CCNJL: variants seen among roughly 807,000 people sequenced by gnomAD.
CCNJL encodes cyclin-J-like protein.
CCNJL carries 33 observed loss-of-function variants against 33.4 expected under a neutral mutation model. The observed-to-expected ratio is 0.99, with a 90% CI of 0.75 to 1.32. The LOEUF (loss-of-function observed/expected upper bound fraction) is 1.32. Ranked by LOEUF, CCNJL falls within the 40% of genes most tolerant of loss-of-function variation. The pLI, the probability that CCNJL is intolerant of heterozygous loss-of-function variation, is 0.00. For missense variants in CCNJL, 512 were observed against 499.7 expected, an observed-to-expected ratio of 1.02 and a Z score of -0.23; for synonymous variants, 227 against 220.9, an observed-to-expected ratio of 1.03 and a Z score of -0.24.
intron 1 of CCNJL, among the ~76,000 whole-genome samples, chr5:160,335,037 C>T (rs1763665760): frequency 6.6e-6 from 1 of 152,210 alleles, no homozygotes; most frequent in Admixed American, 6.5e-5. Context: ...CCAAGGTGGG[C>T]AGATCACTTG....
chr5:160,309,696 A>G (rs1027628348), intron 2 of CCNJL, among the ~76,000 whole-genome samples: 1 of 152,202 alleles, frequency 6.6e-6, no homozygotes, highest in African/African-American at 2.4e-5. Context: ...TTGAAGAAGC[A>G]TTTTCTTCTT....
At chr5:160,275,250 A>G (rs1461128225) in intron 3 of CCNJL, among the ~76,000 whole-genome samples, 1 of 151,814 alleles carries the variant, frequency 6.6e-6, no homozygotes, top group Non-Finnish European at 1.5e-5. Flanking sequence ...ATGCCTGGCT[A>G]ATTTTTGGAA....
Position 160,287,123 on chromosome 5 carries a change from TG to T in CCNJL, c.67-6386del, listed in dbSNP as rs1762432244. Among the ~76,000 whole-genome samples, 4 of 152,246 alleles carry T rather than the reference TG, an allele frequency of 2.6e-5. No individual in the cohort carries two copies. In the South Asian group the frequency reaches 8.3e-4, roughly 32 times the overall value. On this transcript the variant is annotated intron_variant, in intron 2 of 5. Coordinates refer to ENST00000257536, the MANE Select transcript of CCNJL (RefSeq NM_001308173.3). ...TCTTAGTTCCACTATTTACCAACCT[TG>T]GGCATGTGAACTGACCCTCAGTGTC...
At chr5:160,337,281 A>G (rs965787065) in intron 1 of CCNJL, among the ~76,000 whole-genome samples, 7 of 151,768 alleles carry the variant, frequency 4.6e-5, no homozygotes, top group Admixed American at 3.9e-4. Context: ...TCGCCTCCCA[A>G]AGTGCTGGGA....
rs55911213 is a variant in CCNJL, at chr5:160,283,949, T to C, written c.67-3211A>G. ...TCCATCCATGTTGCAAATGACAGGA[T>C]CTCACTCTTTTTTACGGCTGAATAG... On this transcript the variant is annotated intron_variant, in intron 2 of 5. Transcript: ENST00000257536. 5.8e-3 allele frequency among the ~76,000 whole-genome samples: 879 copies of C among 152,356 alleles called. 6 individuals carry two copies. The highest frequency in any genetic ancestry group is 0.02 in the African/African-American group (817 of 41,572).
chr5:160,317,850 T>G (rs1717519118), upstream of CCNJL, among the ~76,000 whole-genome samples: 2 of 152,140 alleles, frequency 1.3e-5, no homozygotes, highest in African/African-American at 2.4e-5. Context: ...CTGAAAACTC[T>G]AAGGAAAAAT....
intron 1 of CCNJL, among the ~76,000 whole-genome samples, chr5:160,330,903 T>C (rs1763599122): frequency 1.3e-5 from 2 of 152,172 alleles, no homozygotes; most frequent in South Asian, 4.1e-4. Flanking sequence ...TCTGCCCACC[T>C]TGGCCTCCCA....
intron 2 of CCNJL, among the ~76,000 whole-genome samples, chr5:160,309,064 G>A (rs1763183695): frequency 6.6e-6 from 1 of 152,260 alleles, no homozygotes; most frequent in Non-Finnish European, 1.5e-5. Context: ...GCAGGCCAGA[G>A]CCAGGCTATG....
chr5:160,300,355 C>T (rs1359650016), intron 2 of CCNJL, among the ~76,000 whole-genome samples: 2 of 152,134 alleles, frequency 1.3e-5, no homozygotes, highest in South Asian at 2.1e-4. Context: ...AGCCCAGTTC[C>T]GTGCTGCAGA....
At position 160,320,465 on chromosome 5, in the gene CCNJL, A is replaced by G. The variant is rs115106933; in HGVS notation, n.207-4960T>C. 3.5e-3 allele frequency among the ~76,000 whole-genome samples: 526 copies of G among 152,302 alleles called. 3 individuals are homozygous for G. The highest frequency in any genetic ancestry group is 5.3e-3 in the Non-Finnish European group (363 of 68,022). On this transcript the variant is annotated intron_variant and non_coding_transcript_variant, in intron 1 of 7. Transcript: ENST00000377503. ...CTGGTCTAACTTCCCCCACTCCCCAACCTTTGGAAGAAACTTGGAGGGAGA... is the reference window on the plus strand; with the variant it reads ...CTGGTCTAACTTCCCCCACTCCCCAGCCTTTGGAAGAAACTTGGAGGGAGA...
At chr5:160,254,977 T>C (rs1006754329) in intron 5 of CCNJL, 1 of 152,154 alleles carries the variant, frequency 6.6e-6, no homozygotes, top group Non-Finnish European at 1.5e-5. Flanking sequence ...CCTAGACATT[T>C]AAAGGTGCAA....
chr5:160,294,268 C>T (rs1258017235), intron 2 of CCNJL, among the ~76,000 whole-genome samples: 1 of 152,228 alleles, frequency 6.6e-6, no homozygotes, highest in Non-Finnish European at 1.5e-5. Context: ...CGTAAAGCAT[C>T]AACACCTCTG....
chr5:160,321,609 C>T (rs896938583), intron 1 of CCNJL, among the ~76,000 whole-genome samples: 6 of 152,174 alleles, frequency 3.9e-5, no homozygotes, highest in African/African-American at 1.4e-4. Context: ...ACGCAAGTAT[C>T]ATTCTCCTTG....
intron 2 of CCNJL, among the ~76,000 whole-genome samples, chr5:160,306,480 C>G (rs1356672028): frequency 2.0e-5 from 3 of 152,040 alleles, no homozygotes; most frequent in Non-Finnish European, 4.4e-5. Flanking sequence ...AAGGAGGGAG[C>G]CCCTAGCCCC....
chr5:160,295,296 C>T (rs1308775813), intron 2 of CCNJL, among the ~76,000 whole-genome samples: 1 of 152,180 alleles, frequency 6.6e-6, no homozygotes, highest in East Asian at 1.9e-4. Context: ...CGAGACCATC[C>T]TGTCCAACAG....
chr5:160,294,064 A>C (rs1762672673), intron 2 of CCNJL, among the ~76,000 whole-genome samples: 3 of 152,176 alleles, frequency 2.0e-5, no homozygotes, highest in African/African-American at 7.2e-5. Context: ...AGGTGAAGAA[A>C]CACCATGTGT....
intron 4 of CCNJL, among the ~76,000 whole-genome samples, chr5:160,257,949 C>A (rs1761142417): frequency 6.6e-6 from 1 of 151,682 alleles, no homozygotes; most frequent in Non-Finnish European, 1.5e-5. Context: ...TGGGTTCAAG[C>A]AATTCTCCTG....
chr5:160,259,759 T>C lies in CCNJL; in HGVS notation c.293A>G (p.Asp98Gly), dbSNP rs1287888054. The change falls in exon 4 of 6, where the codon GAT becomes GGT. Residue 98 changes from aspartate to glycine, a missense_variant. Asp to Gly is a moderately conservative substitution (Grantham distance 94). Transcript: ENST00000257536. ...SCLLLASKFE[D>G]REDHVPKLEQ... is the part of the protein sequence containing the mutation. ...CAACTTGGGGACGTGGTCTTCCCGA[T>C]CCTCGAACTTACCTGTCGGGGAGCA... is the stretch of plus-strand genomic sequence containing the variant. The C allele has an allele frequency of 1.2e-6, 2 of 1,607,738 alleles. No homozygotes were observed. The highest frequency in any genetic ancestry group is 2.2e-5 in the South Asian group (2 of 90,210).
intron 3 of CCNJL, among the ~76,000 whole-genome samples, chr5:160,265,015 T>C (rs1761512839): frequency 1.3e-5 from 2 of 152,212 alleles, no homozygotes; most frequent in Non-Finnish European, 2.9e-5. Context: ...GTCATCAGCA[T>C]TTACACTGCC....
Sources: allele counts gnomAD v4.1 joint callset (sites outside exome capture counted in the v4.1 genomes callset), GRCh38; gene constraint gnomAD v4.1.1; transcripts MANE v1.5; gene names NCBI Gene and HGNC (gene_info 2026-07-23, HGNC 2026-07-21).